Variants in TOPBP1 observed in about 807,000 individuals in gnomAD.
TOPBP1 encodes the protein DNA topoisomerase 2-binding protein 1.
TOPBP1 carries 28 observed loss-of-function variants against 167.7 expected under a neutral mutation model. The ratio of observed to expected loss-of-function variants is 0.17; its 90% CI spans 0.12 to 0.23. The LOEUF (loss-of-function observed/expected upper bound fraction) is 0.23, where lower values mean the gene tolerates loss of function less well. Ranked by LOEUF, TOPBP1 falls within the 10% of genes least tolerant of loss-of-function variation. The pLI is 1.00. For synonymous variants in TOPBP1, 598 were observed against 611.4 expected (o/e 0.98, Z 0.32); for missense variants, 1,554 against 1,809.6 (o/e 0.86, Z 2.56).
Position 133,652,459 on chromosome 3 carries a change from G to A in TOPBP1, c.1089+4C>T, listed in dbSNP as rs749105263. ...ACTGCATGTATTATATAATAAAGAC[G>A]TACCCGACAACCATCTAATAAATCT... On this transcript the variant is annotated splice_donor_region_variant and intron_variant, in intron 8 of 27. Coordinates refer to ENST00000260810, the MANE Select transcript of TOPBP1 (RefSeq NM_007027.4). The A allele has an allele frequency of 1.2e-4, 199 of 1,610,966 alleles. 1 individual carries two copies. The highest frequency in any genetic ancestry group is 1.4e-4 in the Non-Finnish European group (168 of 1,179,588).
chr3:133,602,909 T>C (rs1428237568), intron 27 of TOPBP1, among the ~76,000 whole-genome samples: 3 of 151,224 alleles, frequency 2.0e-5, no homozygotes, highest in African/African-American at 7.3e-5. Context: ...TTTTTTTTTT[T>C]TTTGAGACAG....
chr3:133,619,193 G>A (rs1935004231), intron 20 of TOPBP1, among the ~76,000 whole-genome samples: 1 of 150,158 alleles, frequency 6.7e-6, no homozygotes, highest in Non-Finnish European at 1.5e-5. Flanking sequence ...CCCCCAAATA[G>A]TTCCTTTGCT....
intron 27 of TOPBP1, among the ~76,000 whole-genome samples, chr3:133,604,300 A>C (rs184326025): frequency 2.6e-5 from 4 of 151,510 alleles, no homozygotes; most frequent in African/African-American, 9.7e-5. Context: ...ACACCCCGCT[A>C]ATTTTTTTGT....
intron 5 of TOPBP1, 71 bp downstream of exon 5, chr3:133,656,605 A>G: frequency 2.8e-6 from 4 of 1,450,976 alleles, no homozygotes; most frequent in African/African-American, 1.4e-5. Context: ...TCCAAAGAGT[A>G]TATCACATGC....
At chr3:133,604,296 C>A (rs547589260) in intron 27 of TOPBP1, among the ~76,000 whole-genome samples, 19 of 151,586 alleles carry the variant, frequency 1.3e-4, no homozygotes, top group African/African-American at 4.3e-4. Context: ...CACCACACCC[C>A]GCTAATTTTT....
In TOPBP1 at chr3:133,638,027, G is replaced by A; in HGVS notation, c.2369C>T (p.Ala790Val). The stretch of plus-strand genomic sequence containing the variant: ...ATGTTGTGAGACCACAGCACGGAAA[G>A]CTTTACTCTGAAAGCGGTTCATATC... The part of the protein sequence containing the change: ...PLDMNRFQSK[A>V]FRAVVSQHAR... The change falls in exon 14 of 28, where the codon GCT (alanine) becomes GTT (valine). Residue 790 changes from alanine (A) to valine (V), a missense_variant. Ala to Val is a moderately conservative substitution (Grantham distance 64). Coordinates refer to ENST00000260810, the MANE Select transcript of TOPBP1 (RefSeq NM_007027.4). The A allele has an allele frequency of 1.9e-6, 3 of 1,614,000 alleles. No homozygotes were observed. The highest frequency in any genetic ancestry group is 2.5e-6 in the Non-Finnish European group (3 of 1,179,872).
chr3:133,619,620 GAA>G (rs1275827125), intron 20 of TOPBP1, among the ~76,000 whole-genome samples: 4 of 152,096 alleles, frequency 2.6e-5, no homozygotes, highest in African/African-American at 9.7e-5. Flanking sequence ...TATTGCATTA[GAA>G]AAAGACTCTG....
intron 10 of TOPBP1, among the ~76,000 whole-genome samples, chr3:133,646,352 T>C (rs1423442418): frequency 3.3e-5 from 5 of 152,176 alleles, no homozygotes; most frequent in African/African-American, 1.2e-4. Flanking sequence ...GGCTGAAGGA[T>C]AGTATGTAAA....
intron 3 of TOPBP1, among the ~76,000 whole-genome samples, chr3:133,658,296 G>A (rs1054713471): frequency 2.0e-5 from 3 of 151,322 alleles, no homozygotes; most frequent in African/African-American, 7.3e-5. Context: ...GTGAAACCCC[G>A]TCTCTACTAA....
intron 14 of TOPBP1, 73 bp from the exon 15 acceptor site, chr3:133,628,806 C>A: frequency 2.1e-6 from 3 of 1,449,708 alleles, no homozygotes; most frequent in South Asian, 1.4e-5. Flanking sequence ...GTTAATAGGA[C>A]AGGAAAAAGA....
rs1935366227 is a variant in TOPBP1 at position 133,628,863 on chromosome 3, A to C, written c.2521-130T>G. 7.2e-5 allele frequency: 61 copies of C among 852,446 alleles called. 3 individuals carry two copies. In the South Asian group the frequency reaches 1.2e-3, roughly 16 times the overall value. The allele number at this position is 852,446 out of a possible 1,614,324, so 52.8% of individuals were successfully genotyped here. ...AGAGAGAGAAGGGGGAGAATCCTCA[A>C]AATTAATGGATTACAGTTTAACTTC... On this transcript the variant is annotated intron_variant, in intron 14 of 27. Coordinates refer to ENST00000260810, the MANE Select transcript of TOPBP1 (RefSeq NM_007027.4).
intron 12 of TOPBP1, among the ~76,000 whole-genome samples, chr3:133,642,969 C>T (rs1348788158): frequency 1.3e-5 from 2 of 151,944 alleles, no homozygotes; most frequent in East Asian, 3.9e-4. Context: ...GTGTTTGGAC[C>T]CACTGCAGTT....
chr3:133,605,215 A>G (rs902489108), intron 27 of TOPBP1, among the ~76,000 whole-genome samples: 2 of 151,648 alleles, frequency 1.3e-5, no homozygotes, highest in Non-Finnish European at 2.9e-5. Flanking sequence ...AAAAAAAAGA[A>G]AACTCCAGAC....
chr3:133,637,751 T>G, intron 14 of TOPBP1, 125 bp downstream of exon 14: 2 of 1,007,824 alleles, frequency 2.0e-6, no homozygotes, highest in Non-Finnish European at 2.8e-6. Flanking sequence ...CTCAGTAACA[T>G]AAATCTACTT....
At chr3:133,613,496 G>A (rs1278720089) in intron 23 of TOPBP1, among the ~76,000 whole-genome samples, 2 of 152,182 alleles carry the variant, frequency 1.3e-5, no homozygotes, top group Non-Finnish European at 2.9e-5. Flanking sequence ...AAGTAAGATA[G>A]GGGCATCTGC....
chr3:133,643,598 G>A (rs749479717), intron 11 of TOPBP1, among the ~76,000 whole-genome samples: 2 of 151,632 alleles, frequency 1.3e-5, no homozygotes, highest in South Asian at 2.1e-4. Context: ...TATTAAAATC[G>A]GTAAGATCTA....
intron 4 of TOPBP1, 54 bp downstream of exon 4, chr3:133,657,744 A>C: frequency 7.3e-7 from 1 of 1,370,944 alleles, no homozygotes; most frequent in East Asian, 2.7e-5. Context: ...GTGAAAAATT[A>C]AGAATAAGAG....
intron 20 of TOPBP1, among the ~76,000 whole-genome samples, chr3:133,618,785 G>A (rs1934983161): frequency 6.6e-6 from 1 of 152,046 alleles, no homozygotes; most frequent in South Asian, 2.1e-4. Flanking sequence ...ACAGGTTAGG[G>A]AAACAGGGTA....
At chr3:133,604,216 CCT>C in intron 27 of TOPBP1, among the ~76,000 whole-genome samples, 1 of 151,860 alleles carries the variant, frequency 6.6e-6, no homozygotes, top group African/African-American at 2.4e-5. Context: ...CTCACTGCAA[CCT>C]CTGCCTCCCA....
Sources: allele counts gnomAD v4.1 joint callset (sites outside exome capture counted in the v4.1 genomes callset), GRCh38; gene constraint gnomAD v4.1.1; transcripts MANE v1.5; gene names NCBI Gene and HGNC (gene_info 2026-07-23, HGNC 2026-07-21).